CADM2: variants seen among roughly 807,000 people sequenced by gnomAD.
CADM2 encodes cell adhesion molecule 2, also known as immunoglobulin superfamily member 4D.
Under a neutral mutation model 49.8 loss-of-function variants are expected in CADM2, and 12 were observed. The observed-to-expected ratio is 0.24, with a 90% CI of 0.15 to 0.39. The LOEUF (loss-of-function observed/expected upper bound fraction) is 0.39. Ranked by LOEUF, CADM2 falls within the 10% of genes least tolerant of loss-of-function variation. The pLI is 1.00. For missense variants in CADM2, 378 were observed against 492.3 expected (o/e 0.77, Z 2.20); for synonymous variants, 214 against 175.4 (o/e 1.22, Z -1.74).
chr3:85,522,993 GA>G (rs71108296), intron 1 of CADM2, among the ~76,000 whole-genome samples: 24,608 of 105,362 alleles, frequency 0.23, 2,281 homozygotes, highest in Non-Finnish European at 0.31. Context: ...ACTTTTCCAA[GA>G]AAAAAAAAAA....
At chr3:85,866,198 C>A (rs2075714873) in intron 3 of CADM2, among the ~76,000 whole-genome samples, 1 of 152,160 alleles carries the variant, frequency 6.6e-6, no homozygotes, top group South Asian at 2.1e-4. Flanking sequence ...GCTTGCCTAC[C>A]AGTAATTACT....
chr3:85,510,542 T>G (rs2106834432), intron 1 of CADM2, among the ~76,000 whole-genome samples: 1 of 152,222 alleles, frequency 6.6e-6, no homozygotes, highest in Non-Finnish European at 1.5e-5. Flanking sequence ...CACTTTTGCT[T>G]TTTTCAGTTT....
At chr3:85,288,409 G>A (rs1416896901) in intron 1 of CADM2, among the ~76,000 whole-genome samples, 1 of 152,010 alleles carries the variant, frequency 6.6e-6, no homozygotes, top group Non-Finnish European at 1.5e-5. Context: ...ATTTTTGTTA[G>A]ATTATTGTTA....
intron 1 of CADM2, among the ~76,000 whole-genome samples, chr3:85,577,580 C>A (rs1264411160): frequency 6.6e-6 from 1 of 152,098 alleles, no homozygotes; most frequent in Non-Finnish European, 1.5e-5. Flanking sequence ...TGTTATAGAA[C>A]ACAAAACAGG....
At chr3:85,505,191 C>T (rs1052983880) in intron 1 of CADM2, among the ~76,000 whole-genome samples, 1 of 152,238 alleles carries the variant, frequency 6.6e-6, no homozygotes, top group African/African-American at 2.4e-5. Context: ...GAGGAGGCGC[C>T]GAGAGCGAGG....
chr3:85,068,009 C>T (rs1277431452), intron 1 of CADM2, among the ~76,000 whole-genome samples: 1 of 152,050 alleles, frequency 6.6e-6, no homozygotes, highest in Non-Finnish European at 1.5e-5. Context: ...GGGATAGAGA[C>T]AGCTTATGCC....
chr3:85,936,915 T>G (rs1721246000), intron 7 of CADM2, among the ~76,000 whole-genome samples: 1 of 151,840 alleles, frequency 6.6e-6, no homozygotes, highest in Non-Finnish European at 1.5e-5. Flanking sequence ...TTGTTTTTGG[T>G]CTTCTTTCCT....
intron 5 of CADM2, among the ~76,000 whole-genome samples, chr3:85,910,922 G>A (rs1418034445): frequency 6.6e-6 from 1 of 151,978 alleles, no homozygotes; most frequent in Non-Finnish European, 1.5e-5. Context: ...ACATGCATAT[G>A]TCTATTAATC....
At chr3:85,737,553 C>A (rs1205247939) in intron 2 of CADM2, among the ~76,000 whole-genome samples, 1 of 122,896 alleles carries the variant, frequency 8.1e-6, no homozygotes, top group Non-Finnish European at 1.7e-5. Flanking sequence ...TTAATTCATT[C>A]TTTTCTTTCT....
At chr3:85,649,429 TTC>T (rs1198617737) in intron 1 of CADM2, among the ~76,000 whole-genome samples, 1 of 152,200 alleles carries the variant, frequency 6.6e-6, no homozygotes, top group East Asian at 1.9e-4. Flanking sequence ...TTATCTTAAA[TTC>T]TGTTTCCCAA....
At chr3:85,661,171 A>C (rs2065390428) in intron 1 of CADM2, among the ~76,000 whole-genome samples, 1 of 152,032 alleles carries the variant, frequency 6.6e-6, no homozygotes, top group Non-Finnish European at 1.5e-5. Context: ...TTTGCTTCTG[A>C]TTTAATAAAT....
intron 1 of CADM2, among the ~76,000 whole-genome samples, chr3:84,968,106 CT>C (rs2031148915): frequency 6.6e-6 from 1 of 151,916 alleles, no homozygotes; most frequent in South Asian, 2.1e-4. Context: ...CATTTATTTT[CT>C]CATGAATTGT....
At chr3:85,412,638 C>T (rs116264212) in intron 1 of CADM2, among the ~76,000 whole-genome samples, 1,676 of 151,280 alleles carry the variant, frequency 0.011, 9 homozygotes, top group Admixed American at 0.014. Context: ...ACAAGTGGAG[C>T]GCTAATAAAG....
chr3:85,116,074 C>G (rs769016902), intron 1 of CADM2, among the ~76,000 whole-genome samples: 2 of 152,226 alleles, frequency 1.3e-5, no homozygotes, highest in Non-Finnish European at 2.9e-5. Flanking sequence ...CGCCTGTAAT[C>G]CCAGCACTTT....
intron 3 of CADM2, among the ~76,000 whole-genome samples, chr3:85,831,607 T>TA (rs1447223960): frequency 2.6e-5 from 4 of 152,140 alleles, no homozygotes; most frequent in African/African-American, 9.6e-5. Context: ...TTAAAATATA[T>TA]TTTTGGCCCC....
intron 1 of CADM2, among the ~76,000 whole-genome samples, chr3:85,725,880 A>G (rs2067678295): frequency 1.3e-5 from 2 of 152,134 alleles, no homozygotes; most frequent in East Asian, 1.9e-4. Flanking sequence ...TTAAATACCA[A>G]TAGCTTAAGG....
intron 1 of CADM2, among the ~76,000 whole-genome samples, chr3:85,166,998 G>T (rs1416753957): frequency 6.6e-6 from 1 of 152,146 alleles, no homozygotes; most frequent in South Asian, 2.1e-4. Context: ...TTTTACTGCT[G>T]TTAAGGCATA....
intron 1 of CADM2, among the ~76,000 whole-genome samples, chr3:85,554,799 T>TCCTCCTACCTCAG (rs144639200): frequency 6.6e-6 from 1 of 151,712 alleles, no homozygotes; most frequent in East Asian, 1.9e-4. Context: ...GCTCAGGCAA[T>TCCTCCTACCTCAG]CCTCCCGAGT....
intron 5 of CADM2, among the ~76,000 whole-genome samples, chr3:85,909,401 A>AATATATATATATATAT (rs59251646): frequency 1.3e-4 from 19 of 147,322 alleles, no homozygotes; most frequent in South Asian, 2.1e-4. Flanking sequence ...TGTAAAATGA[A>AATATATATATATATAT]ATATATATAT....
Sources: gnomAD v4.1 joint callset for allele counts (sites outside exome capture counted in the v4.1 genomes callset) on GRCh38, gnomAD v4.1.1 for gene constraint, MANE v1.5 for transcripts, NCBI Gene and HGNC (gene_info 2026-07-23, HGNC 2026-07-21) for gene names.